The following ZNF836 variants were observed in gnomAD, a reference collection of about 807,000 sequenced individuals.
ZNF836 encodes the protein zinc finger protein 836.
Under a neutral mutation model 7.4 loss-of-function variants are expected in ZNF836, and 12 were observed. The observed-to-expected ratio is 1.61, with a 90% CI of 1.03 to 2.61. The LOEUF is 2.61. Among genes scored for constraint, ZNF836 ranks in the 30% most tolerant of loss-of-function variants. The pLI, the probability that ZNF836 is intolerant of heterozygous loss-of-function variation, is 0.00. For synonymous variants in ZNF836, 365 were observed against 382.6 expected (o/e 0.95, Z 0.54); for missense variants, 998 against 1,126.2 (o/e 0.89, Z 1.63).
chr19:52,155,394 C>T lies in ZNF836; in HGVS notation c.2289G>A (p.Ser763=), dbSNP rs766536389. 8.7e-6 allele frequency: 14 copies of T among 1,612,692 alleles called. No homozygotes were observed. Among genetic ancestry groups the T allele is most frequent in the African/African-American group, 2.7e-5 (2 of 74,482 alleles). The change falls in exon 5 of 5, where the codon TCG becomes TCA. Residue 763 remains serine (S), a synonymous_variant. Transcript: ENST00000682614. ...GAATTCTCCGATGCCTTGCAAGGTT[C>T]GAAGTGGAATTAAAGACCTGGCCAC... is the stretch of plus-strand genomic sequence containing the variant. ...IECGQVFNST[S]NLARHRRIHT...
Position 52,155,617 on chromosome 19 carries a change from G to A in ZNF836, c.2066C>T (p.Thr689Ile). ...ATTACAATTGTAAGGTTTCTCTCCA[G>A]TATGAATTATCAGATGTTTAGTGAG... ...SSLTKHLIIH[T>I]GEKPYNCNEF... The change falls in exon 5 of 5, where the codon ACT becomes ATT. Residue 689 changes from threonine (T) to isoleucine (I), a missense_variant. By Grantham distance (89) the Thr-to-Ile change is moderately conservative. Coordinates refer to ENST00000682614, the MANE Select transcript of ZNF836 (RefSeq NM_001102657.3). 6.2e-7 allele frequency: 1 copy of A among 1,614,084 alleles called. No individual in the cohort carries two copies. Among genetic ancestry groups the A allele is most frequent in the Non-Finnish European group, 8.5e-7 (1 of 1,179,986 alleles).
chr19:52,162,339 C>G (rs751029152), intron 3 of ZNF836, among the ~76,000 whole-genome samples: 11 of 152,204 alleles, frequency 7.2e-5, no homozygotes, highest in Admixed American at 2.0e-4. Context: ...CAGGGACAGC[C>G]TCACTCCTAT....
chr19:52,167,981 G>C (rs1196915220), intron 3 of ZNF836, 77 bp downstream of exon 3: 13 of 1,112,490 alleles, frequency 1.2e-5, no homozygotes, highest in Non-Finnish European at 1.6e-5. Context: ...TTCAGACTCA[G>C]AGGAGATTCG....
rs1361028355 is a variant in ZNF836 at position 52,155,433 on chromosome 19, G to T, written c.2250C>A (p.Tyr750Ter). The T allele has an allele frequency of 1.2e-6, 2 of 1,614,156 alleles. No individual in the cohort carries two copies. The highest frequency in any genetic ancestry group is 2.2e-5 in the South Asian group (2 of 91,084). ...HQRRHTGEMP[Y>*]KCIECGQVFN... ...AGACCTGGCCACATTCAATACATTT[G>T]TATGGCATCTCTCCAGTATGCCTTC... The change falls in exon 5 of 5, where the codon TAC (tyrosine) becomes TAA (stop). Residue 750 changes from tyrosine to a stop codon, truncating the protein, a stop_gained. Transcript: ENST00000682614. LOFTEE classifies it low-confidence loss of function (END_TRUNC).
At chr19:52,162,583 G>T (rs2122219431) in intron 3 of ZNF836, among the ~76,000 whole-genome samples, 1 of 152,318 alleles carries the variant, frequency 6.6e-6, no homozygotes, top group Middle Eastern at 3.4e-3. Context: ...GGAAGAAGGG[G>T]CCAGGGGGCA....
Position 52,161,128 on chromosome 19 carries a change from C to T in ZNF836, c.16-537G>A, listed in dbSNP as rs1379740145. ...TTGTTCCCATGTTACTAGGAGACAA[C>T]TATGTCACAGAAAACGCTAAAAAGT... On this transcript the variant is annotated intron_variant, in intron 3 of 4. Coordinates refer to ENST00000682614, the MANE Select transcript of ZNF836 (RefSeq NM_001102657.3). This position sits in a 1 kb window ranked among gnomAD's most constrained non-coding sequence, Gnocchi z 4.1. Among the ~76,000 whole-genome samples, 3 of 152,138 alleles carry T rather than the reference C, an allele frequency of 2.0e-5. No individual in the cohort carries two copies. In the East Asian group the frequency reaches 5.8e-4, roughly 29 times the overall value.
chr19:52,158,961 A>C (rs972092643), intron 4 of ZNF836, among the ~76,000 whole-genome samples: 1 of 152,096 alleles, frequency 6.6e-6, no homozygotes. Flanking sequence ...TAGGAATTTG[A>C]GTAGATGTGA....
Position 52,157,454 on chromosome 19 carries a change from T to C in ZNF836, c.229A>G (p.Arg77Gly), listed in dbSNP as rs1482617274. ...TTTTCAACATCATAACATTCATGTC[T>C]TTCCAGCGTCACTGTTTGGCATTTT... ...GEKCQTVTLERHECYDVENFY... is the reference protein window; with the variant it reads ...GEKCQTVTLEGHECYDVENFY... The change falls in exon 5 of 5, where the codon AGA becomes GGA. Residue 77 changes from arginine to glycine, a missense_variant. Coordinates refer to ENST00000682614, the MANE Select transcript of ZNF836 (RefSeq NM_001102657.3). 1.2e-6 allele frequency: 2 copies of C among 1,601,100 alleles called. No homozygotes were observed. Among genetic ancestry groups the C allele is most frequent in the Middle Eastern group, 1.7e-4 (1 of 5,986 alleles).
At chr19:52,162,850 T>C (rs1408614445) in intron 3 of ZNF836, among the ~76,000 whole-genome samples, 2 of 152,208 alleles carry the variant, frequency 1.3e-5, no homozygotes, top group African/African-American at 4.8e-5. Flanking sequence ...GCCCACATCC[T>C]GCATTCATGG....
intron 3 of ZNF836, among the ~76,000 whole-genome samples, chr19:52,162,529 C>T (rs756708087): frequency 8.5e-5 from 13 of 152,116 alleles, no homozygotes; most frequent in Non-Finnish European, 1.5e-4. Context: ...CTGAACAAAG[C>T]GGGTGAACGC....
chr19:52,165,381 A>G (rs914769458), intron 3 of ZNF836: 1 of 152,218 alleles, frequency 6.6e-6, no homozygotes, highest in Non-Finnish European at 1.5e-5. Context: ...GTCTTCATTT[A>G]GGCACTGCTC....
chr19:52,164,332 G>A (rs943333748), intron 3 of ZNF836, among the ~76,000 whole-genome samples: 1 of 150,568 alleles, frequency 6.6e-6, no homozygotes, highest in Non-Finnish European at 1.5e-5. Context: ...GGCAGAGGTT[G>A]CAGTGAGCTG....
intron 3 of ZNF836, among the ~76,000 whole-genome samples, chr19:52,167,791 T>C (rs990954180): frequency 4.6e-5 from 7 of 152,118 alleles, no homozygotes; most frequent in South Asian, 4.1e-4. Context: ...AGCTCTGACA[T>C]TGTGGGGCCC....
intron 2 of ZNF836, among the ~76,000 whole-genome samples, chr19:52,169,362 CT>C (rs2089290761): frequency 6.6e-6 from 1 of 152,120 alleles, no homozygotes; most frequent in African/African-American, 2.4e-5. Flanking sequence ...GGCAGATCAC[CT>C]GAGGTTGGGA....
At chr19:52,158,399 CTAAGT>C (rs1202689251) in intron 4 of ZNF836, among the ~76,000 whole-genome samples, 1 of 152,020 alleles carries the variant, frequency 6.6e-6, no homozygotes, top group Non-Finnish European at 1.5e-5. Flanking sequence ...AGTTATAACA[CTAAGT>C]TATTTTTCTG....
chr19:52,154,611 G>A lies in ZNF836; in HGVS notation c.*261C>T, dbSNP rs993482703. The A allele has an allele frequency of 3.6e-6, 1 of 277,540 alleles. No individual in the cohort carries two copies. Among genetic ancestry groups the A allele is most frequent in the Non-Finnish European group, 6.8e-6 (1 of 147,602 alleles). The allele number at this position is 277,540 out of a possible 1,614,324, so 17.2% of individuals were successfully genotyped here. A position where few individuals can be genotyped will look rare whatever the true frequency, so the allele number is the denominator to read the frequency against. On this transcript the variant is annotated 3_prime_UTR_variant, in exon 5 of 5. Coordinates refer to ENST00000682614, the MANE Select transcript of ZNF836 (RefSeq NM_001102657.3). The stretch of plus-strand genomic sequence containing the variant: ...GGAGGCAGAGGTTGCAGTGAGCCTA[G>A]ATCACGCCACTGCATTCCAGCCTGG...
intron 4 of ZNF836, among the ~76,000 whole-genome samples, chr19:52,158,017 A>G (rs1223535678): frequency 2.6e-5 from 4 of 152,208 alleles, no homozygotes. Flanking sequence ...TTCTATTTTT[A>G]CAAATAAAAA....
intron 2 of ZNF836, 77 bp from the exon 3 acceptor site, chr19:52,168,229 A>G (rs1196768543): frequency 3.3e-6 from 3 of 915,780 alleles, no homozygotes; most frequent in Non-Finnish European, 3.3e-6. Context: ...CCCACAGGGA[A>G]GACCTCAGCA....
At chr19:52,167,888 C>T (rs986917639) in intron 3 of ZNF836, among the ~76,000 whole-genome samples, 170 bp downstream of exon 3, 9 of 152,004 alleles carry the variant, frequency 5.9e-5, no homozygotes, top group African/African-American at 1.9e-4. Flanking sequence ...GTCACTGGGT[C>T]GCAGTGAGAT....
Sources: allele counts gnomAD v4.1 joint callset (sites outside exome capture counted in the v4.1 genomes callset), GRCh38; gene constraint gnomAD v4.1.1; non-coding constraint Gnocchi (gnomAD v3.1); transcripts MANE v1.5; gene names NCBI Gene and HGNC (gene_info 2026-07-23, HGNC 2026-07-21).